ZNF700: variants seen among roughly 807,000 people sequenced by gnomAD.
The protein encoded by ZNF700 is zinc finger protein 700.
Under a neutral mutation model 65.3 loss-of-function variants are expected in ZNF700, and 38 were observed. The ratio of observed to expected loss-of-function variants is 0.58; its 90% CI spans 0.45 to 0.76. The LOEUF is 0.76. Ranked by LOEUF, ZNF700 falls within the 30% of genes least tolerant of loss-of-function variation. The pLI is 0.00. For missense variants in ZNF700, 857 were observed against 888.4 expected (o/e 0.96, Z 0.45); for synonymous variants, 285 against 290.4 (o/e 0.98, Z 0.19).
intron 1 of ZNF700, among the ~76,000 whole-genome samples, chr19:11,927,273 G>C (rs971147661): frequency 2.0e-5 from 3 of 151,996 alleles, no homozygotes; most frequent in African/African-American, 4.8e-5. Context: ...AGAATCACTT[G>C]AACCCCAGAG....
At position 11,947,594 on chromosome 19, in the gene ZNF700, G is replaced by C; in HGVS notation, c.251+20G>C. 5 of 1,606,522 alleles carry C rather than the reference G, an allele frequency of 3.1e-6. No individual in the cohort carries two copies. The highest frequency in any genetic ancestry group is 2.2e-5 in the East Asian group (1 of 44,824). Reference sequence around the variant, plus strand: ...CTTCAGGTAATTTGCATTTCCAAGAGAAAGCAGTGTCTCTCTGCACAATCT... The same window carrying C: ...CTTCAGGTAATTTGCATTTCCAAGACAAAGCAGTGTCTCTCTGCACAATCT... On this transcript the variant is annotated intron_variant, in intron 3 of 3. Transcript: ENST00000254321.
At chr19:11,944,519 T>C (rs1226116702) in intron 1 of ZNF700, among the ~76,000 whole-genome samples, 2 of 152,344 alleles carry the variant, frequency 1.3e-5, no homozygotes, top group African/African-American at 2.4e-5. Context: ...TGGCCTGTTA[T>C]CTGAGCCAAT....
intron 1 of ZNF700, among the ~76,000 whole-genome samples, chr19:11,925,683 G>A (rs1313371721): frequency 6.6e-6 from 1 of 152,166 alleles, no homozygotes; most frequent in Non-Finnish European, 1.5e-5. Context: ...TTAAACTGAG[G>A]TACGTTAACA....
chr19:11,948,042 G>A (rs1261712135), intron 3 of ZNF700, among the ~76,000 whole-genome samples: 2 of 152,150 alleles, frequency 1.3e-5, no homozygotes, highest in Non-Finnish European at 2.9e-5. Flanking sequence ...TTTAGTAATT[G>A]TAAAATAGTT....
Position 11,942,265 on chromosome 19 carries a change from C to G in ZNF700, c.64-4916C>G, listed in dbSNP as rs186471153. 5.7e-3 allele frequency among the ~76,000 whole-genome samples: 861 copies of G among 151,582 alleles called. 7 individuals carry two copies. Among genetic ancestry groups the G allele is most frequent in the African/African-American group, 0.02 (814 of 41,230 alleles). Reference sequence around the variant, plus strand: ...TCCCCTCCTGCTCTTGGCTAGCTATCTGCCTTCTCTAACAATGTCATCAAA... The same window carrying G: ...TCCCCTCCTGCTCTTGGCTAGCTATGTGCCTTCTCTAACAATGTCATCAAA... On this transcript the variant is annotated intron_variant, in intron 1 of 3. Transcript: ENST00000254321.
chr19:11,937,645 C>G (rs762820708), intron 1 of ZNF700, among the ~76,000 whole-genome samples: 1 of 151,792 alleles, frequency 6.6e-6, no homozygotes, highest in African/African-American at 2.4e-5. Context: ...CCTACCACCA[C>G]GCTTGGCTAA....
chr19:11,927,774 A>G (rs1414698537), intron 1 of ZNF700, among the ~76,000 whole-genome samples: 1 of 152,178 alleles, frequency 6.6e-6, no homozygotes, highest in Admixed American at 6.5e-5. Flanking sequence ...GAGTGTAAGG[A>G]TACTTGCAGG....
At chr19:11,947,627 T>C (rs2082357474) in intron 3 of ZNF700, 53 bp downstream of exon 3, 4 of 1,462,474 alleles carry the variant, frequency 2.7e-6, no homozygotes, top group Non-Finnish European at 3.8e-6. Flanking sequence ...TCTTAGAATA[T>C]GAGAATATGT....
chr19:11,937,921 G>T (rs1450387028), intron 1 of ZNF700, among the ~76,000 whole-genome samples: 2 of 152,158 alleles, frequency 1.3e-5, no homozygotes, highest in East Asian at 3.8e-4. Flanking sequence ...TTGAATTGCA[G>T]ATGTGTGAGA....
chr19:11,930,492 A>G (rs1266174025), intron 1 of ZNF700, among the ~76,000 whole-genome samples: 3 of 148,590 alleles, frequency 2.0e-5, no homozygotes, highest in Non-Finnish European at 4.4e-5. Flanking sequence ...TGTTAAATCT[A>G]TAATCAAAAT....
At chr19:11,946,746 A>G (rs1390343229) in intron 1 of ZNF700, 1 of 154,148 alleles carries the variant, frequency 6.5e-6, no homozygotes, top group Admixed American at 6.5e-5. Context: ...CCTTTTTGAA[A>G]TTTTTTATAA....
At chr19:11,933,677 G>A (rs1370337695) in intron 1 of ZNF700, among the ~76,000 whole-genome samples, 1 of 147,564 alleles carries the variant, frequency 6.8e-6, no homozygotes, top group Non-Finnish European at 1.5e-5. Context: ...TGCATTGAAG[G>A]TCTCTCGATA....
chr19:11,948,114 G>A (rs1972990726), intron 3 of ZNF700, among the ~76,000 whole-genome samples, 162 bp from the exon 4 acceptor site: 1 of 152,156 alleles, frequency 6.6e-6, no homozygotes, highest in Admixed American at 6.5e-5. Flanking sequence ...GGTATGGCTG[G>A]GTCATCTTGT....
chr19:11,948,956 G>T lies in ZNF700; in HGVS notation c.932G>T (p.Cys311Phe). ...MGEKPYQCKECGKAFAYTSSL... is the reference protein window; with the variant it reads ...MGEKPYQCKEFGKAFAYTSSL... ...GAGAAGCCTTATCAATGCAAAGAAT[G>T]TGGAAAAGCATTTGCATATACCAGT... The change falls in exon 4 of 4, where the codon TGT becomes TTT. Residue 311 changes from cysteine to phenylalanine, a missense_variant. Cys to Phe is a radical substitution (Grantham distance 205). This residue lies in a region of ZNF700 where 603 missense variants were observed against 619.9 expected (regional missense o/e 0.97). Coordinates refer to ENST00000254321, the MANE Select transcript of ZNF700 (RefSeq NM_144566.3). 1 of 1,608,348 alleles carries T rather than the reference G, an allele frequency of 6.2e-7. No homozygotes were observed. The highest frequency in any genetic ancestry group is 8.5e-7 in the Non-Finnish European group (1 of 1,178,754).
intron 3 of ZNF700, 122 bp from the exon 4 acceptor site, chr19:11,948,154 C>A: frequency 8.5e-7 from 1 of 1,172,312 alleles, no homozygotes; most frequent in Non-Finnish European, 1.2e-6. Context: ...TCAAACGATT[C>A]AGACAGGGCA....
At position 11,950,708 on chromosome 19, in the gene ZNF700, G is replaced by T; in HGVS notation, c.*455G>T. 1 of 212,436 alleles carries T rather than the reference G, an allele frequency of 4.7e-6. No individual in the cohort carries two copies. Among genetic ancestry groups the T allele is most frequent in the Admixed American group, 5.4e-5 (1 of 18,664 alleles). 13.2% of individuals were successfully genotyped at this position (212,436 alleles called of 1,614,324 possible). ...ACAATTATCATAAGTATACTAACAT[G>T]TTATTCTTTTTAAATAAGAAGGTAT... On this transcript the variant is annotated 3_prime_UTR_variant, in exon 4 of 4. Transcript: ENST00000254321.
At chr19:11,940,791 C>T (rs879456475) in intron 1 of ZNF700, among the ~76,000 whole-genome samples, 10 of 152,076 alleles carry the variant, frequency 6.6e-5, no homozygotes, top group South Asian at 4.1e-4. Flanking sequence ...CTGATTGGTG[C>T]GTTTACAATC....
At position 11,949,861 on chromosome 19, in the gene ZNF700, A is replaced by G. The variant is rs767053181; in HGVS notation, c.1837A>G (p.Thr613Ala). ...CASNLRKHGR[T>A]HTGEKPYECK... ...CTCAAACCTTCGAAAGCATGGTAGGACTCACACTGGAGAGAAACCCTATGA... is the reference window on the plus strand; with the variant it reads ...CTCAAACCTTCGAAAGCATGGTAGGGCTCACACTGGAGAGAAACCCTATGA... The change falls in exon 4 of 4, where the codon ACT (threonine) becomes GCT (alanine). Residue 613 changes from threonine (T) to alanine (A), a missense_variant. Thr to Ala is a moderately conservative substitution (Grantham distance 58, BLOSUM62 0). Around this residue, in one of 3 missense-constraint regions of ZNF700, gnomAD observed 251 missense variants for 250.3 expected, o/e 1.00. Transcript: ENST00000254321. 7 of 1,614,006 alleles carry G rather than the reference A, an allele frequency of 4.3e-6. No individual in the cohort carries two copies. In the East Asian group the frequency reaches 1.6e-4, roughly 36 times the overall value.
Position 11,949,518 on chromosome 19 carries a change from C to T in ZNF700, c.1494C>T (p.His498=). The change falls in exon 4 of 4, where the codon CAC becomes CAT. Residue 498 remains histidine, a synonymous_variant. Coordinates refer to ENST00000254321, the MANE Select transcript of ZNF700 (RefSeq NM_144566.3). ...HLQIHERTEK[H]IRMPSGERPY... Reference sequence around the variant, plus strand: ...AAATTCATGAAAGGACAGAAAAACACATAAGAATGCCCTCTGGAGAAAGAC... The same window carrying T: ...AAATTCATGAAAGGACAGAAAAACATATAAGAATGCCCTCTGGAGAAAGAC... 6.2e-7 allele frequency: 1 copy of T among 1,610,746 alleles called. No individual in the cohort carries two copies. Among genetic ancestry groups the T allele is most frequent in the Non-Finnish European group, 8.5e-7 (1 of 1,179,390 alleles).
Sources: allele counts gnomAD v4.1 joint callset (sites outside exome capture counted in the v4.1 genomes callset), GRCh38; gene constraint gnomAD v4.1.1; regional missense constraint gnomAD v4.1.1; transcripts MANE v1.5; gene names NCBI Gene and HGNC (gene_info 2026-07-23, HGNC 2026-07-21).